Variants in CAPN3 observed in about 807,000 individuals in gnomAD.
CAPN3 encodes calpain-3.
CAPN3 carries 88 observed loss-of-function variants against 114.0 expected under a neutral mutation model. That is an observed-to-expected ratio of 0.77 (90% CI 0.65 to 0.92). The LOEUF is 0.92. CAPN3 is among the 40% of genes least tolerant of loss of function. The pLI, the probability that CAPN3 is intolerant of heterozygous loss-of-function variation, is 0.00. For synonymous variants in CAPN3, 386 were observed against 382.9 expected, an observed-to-expected ratio of 1.01 and a Z score of -0.09; for missense variants, 1,028 against 1,069.0, an observed-to-expected ratio of 0.96 and a Z score of 0.53.
chr15:42,410,780 A>C, intron 21 of CAPN3, 104 bp from the exon 22 acceptor site: 1 of 1,350,854 alleles, frequency 7.4e-7, no homozygotes, highest in Non-Finnish European at 1.1e-6. Context: ...AGGGCTTCTC[A>C]CTTTCCCTTC....
chr15:42,409,043 G>A (rs2054116704), intron 16 of CAPN3: 3 of 529,620 alleles, frequency 5.7e-6, no homozygotes, highest in Admixed American at 6.3e-5. Flanking sequence ...TTGCAGGTGG[G>A]GACTGGGGTG....
At chr15:42,384,289 A>G (rs143117834) in intron 1 of CAPN3, among the ~76,000 whole-genome samples, 194 bp from the exon 2 acceptor site, 2,228 of 152,198 alleles carry the variant, frequency 0.015, 56 homozygotes, top group African/African-American at 0.051. Flanking sequence ...GCGCATGCCT[A>G]TAGTCCCAGC....
intron 3 of CAPN3, among the ~76,000 whole-genome samples, chr15:42,386,650 C>T (rs1178486334): frequency 6.6e-6 from 1 of 152,116 alleles, no homozygotes; most frequent in Non-Finnish European, 1.5e-5. Flanking sequence ...TACAGGAACC[C>T]CTGTCCAGGG....
rs556874775 is a variant in CAPN3, at chr15:42,395,371, A to C, written c.1115+1030A>C. ...TAGGCTACCCACCTGGGGATGTAGA[A>C]ATGTAGAAATGAACACAGACACGTG... On this transcript the variant is annotated intron_variant, in intron 8 of 23. Transcript: ENST00000397163. Among the ~76,000 whole-genome samples the C allele has an allele frequency of 3.3e-5, 5 of 152,256 alleles. No individual in the cohort carries two copies. The South Asian group carries it at 1.0e-3, about 32-fold the overall frequency.
intron 1 of CAPN3, among the ~76,000 whole-genome samples, chr15:42,363,058 A>G (rs528990907): frequency 2.0e-5 from 3 of 152,328 alleles, no homozygotes; most frequent in South Asian, 2.1e-4. Context: ...CTGGCCAACT[A>G]TAATTCTAGT....
At chr15:42,411,420 C>A in intron 23 of CAPN3, 75 bp downstream of exon 23, 1 of 1,296,112 alleles carries the variant, frequency 7.7e-7, no homozygotes, top group Non-Finnish European at 1.1e-6. Context: ...CGGACTGGAC[C>A]CAGGGTGTGC....
At chr15:42,374,038 G>A (rs2053023877) in intron 1 of CAPN3, among the ~76,000 whole-genome samples, 1 of 152,140 alleles carries the variant, frequency 6.6e-6, no homozygotes, top group Non-Finnish European at 1.5e-5. Flanking sequence ...TCAGACCACT[G>A]CGGTCTGTCC....
chr15:42,359,927 G>A lies in CAPN3; in HGVS notation c.122G>A (p.Gly41Asp). The change falls in exon 1 of 24, where the codon GGC becomes GAC. Residue 41 changes from glycine (G) to aspartate (D), a missense_variant. Coordinates refer to ENST00000397163, the MANE Select transcript of CAPN3 (RefSeq NM_000070.3). Reference protein sequence around the residue: ...ATEAGGGNPSGIYSAIISRNF... With the variant: ...ATEAGGGNPSDIYSAIISRNF... ...GAGGCTGGGGGTGGAAACCCAAGTG[G>A]CATCTATTCAGCCATCATCAGCCGC... The A allele has an allele frequency of 6.2e-7, 1 of 1,614,218 alleles. No homozygotes were observed. The highest frequency in any genetic ancestry group is 8.5e-7 in the Non-Finnish European group (1 of 1,180,042).
chr15:42,388,016 A>G (rs2053450881), intron 4 of CAPN3, 130 bp downstream of exon 4: 1 of 1,030,440 alleles, frequency 9.7e-7, no homozygotes. Flanking sequence ...TGCAAGTCCA[A>G]CTGTGACCCA....
In CAPN3 at chr15:42,371,576, A is replaced by G. The variant is rs542828992; in HGVS notation, c.309+11462A>G. 2.5e-4 allele frequency among the ~76,000 whole-genome samples: 38 copies of G among 152,246 alleles called. No homozygotes were observed. In the South Asian group the frequency reaches 7.9e-3, roughly 32 times the overall value. ...GTCTTTTTCAATTTGAATTGTAGGC[A>G]TTCTTTATATATCCTGGATACTAAT... On this transcript the variant is annotated intron_variant, in intron 1 of 23. Coordinates refer to ENST00000397163, the MANE Select transcript of CAPN3 (RefSeq NM_000070.3).
intron 1 of CAPN3, among the ~76,000 whole-genome samples, chr15:42,379,681 T>A (rs2053185975): frequency 6.6e-6 from 1 of 152,214 alleles, no homozygotes; most frequent in African/African-American, 2.4e-5. Flanking sequence ...GACCTTTTCA[T>A]CTATATGTAA....
At chr15:42,395,806 G>A (rs993530591) in intron 8 of CAPN3, among the ~76,000 whole-genome samples, 4 of 152,208 alleles carry the variant, frequency 2.6e-5, no homozygotes, top group African/African-American at 9.7e-5. Context: ...CCCCTGCAGT[G>A]TTCTCTGACT....
rs2054007871 is a variant in CAPN3, at chr15:42,405,961, G to C, written c.1800+18G>C. The C allele has an allele frequency of 1.2e-6, 2 of 1,608,974 alleles. No individual in the cohort carries two copies. Among genetic ancestry groups the C allele is most frequent in the Non-Finnish European group, 1.7e-6 (2 of 1,175,446 alleles). On this transcript the variant is annotated intron_variant, in intron 15 of 23. Transcript: ENST00000397163. ...AAACCAAGGTAGGTGTGTGGGTAGAGAGCATGAAGTGTGTGTACTCATGCA... is the reference window on the plus strand; with the variant it reads ...AAACCAAGGTAGGTGTGTGGGTAGACAGCATGAAGTGTGTGTACTCATGCA...
intron 9 of CAPN3, among the ~76,000 whole-genome samples, chr15:42,397,767 T>TCTCAAACTCCTGGG: frequency 6.6e-6 from 1 of 152,276 alleles, no homozygotes; most frequent in Admixed American, 6.5e-5. Context: ...CTCGGGCTGG[T>TCTCAAACTCCTGGG]CTCAAACTCC....
intron 1 of CAPN3, among the ~76,000 whole-genome samples, chr15:42,360,739 T>G (rs1219179680): frequency 6.6e-6 from 1 of 152,060 alleles, no homozygotes; most frequent in African/African-American, 2.4e-5. Flanking sequence ...GTGAAATATA[T>G]CTAGTGGGCA....
chr15:42,401,193 C>CA (rs374515146), intron 10 of CAPN3, among the ~76,000 whole-genome samples: 1,950 of 137,380 alleles, frequency 0.014, 26 homozygotes, highest in Middle Eastern at 0.04. Context: ...GACTCCGTCT[C>CA]AAAAAAAAAA....
At chr15:42,387,238 T>G (rs2053429690) in intron 3 of CAPN3, among the ~76,000 whole-genome samples, 2 of 152,352 alleles carry the variant, frequency 1.3e-5, no homozygotes, top group South Asian at 4.1e-4. Context: ...CATCCAAACT[T>G]GAAATGATTG....
chr15:42,371,075 A>G (rs2052933560), intron 1 of CAPN3, among the ~76,000 whole-genome samples: 1 of 152,248 alleles, frequency 6.6e-6, no homozygotes. Flanking sequence ...ATGAGATTCT[A>G]TACATAACAT....
intron 1 of CAPN3, among the ~76,000 whole-genome samples, chr15:42,374,987 ATTTATTTATTTATTTATTTAT>A (rs1203088812): frequency 3.5e-5 from 1 of 28,710 alleles, no homozygotes; most frequent in African/African-American, 2.9e-4. Context: ...TTAAATAAAA[ATTTATTTATTTATTTATTTAT>A]TTATTTATTT....
Sources: gnomAD v4.1 joint callset for allele counts (sites outside exome capture counted in the v4.1 genomes callset) on GRCh38, gnomAD v4.1.1 for gene constraint, MANE v1.5 for transcripts, NCBI Gene and HGNC (gene_info 2026-07-23, HGNC 2026-07-21) for gene names.